RASA3: variants seen among roughly 807,000 people sequenced by gnomAD.
RASA3 encodes ras GTPase-activating protein 3.
A neutral mutation model predicts 110.0 loss-of-function variants in RASA3; 73 were observed. That is an observed-to-expected ratio of 0.66 (90% CI 0.55 to 0.81). The LOEUF (loss-of-function observed/expected upper bound fraction) is 0.81. Among genes scored for constraint, RASA3 ranks in the 30% least tolerant of loss-of-function variants. The probability of loss-of-function intolerance (pLI) is 0.00; values close to 1 mark genes in which losing one functional copy is unlikely to be tolerated. For synonymous variants in RASA3, 500 were observed against 451.4 expected (o/e 1.11, Z -1.37); for missense variants, 976 against 1,113.2 (o/e 0.88, Z 1.75).
At chr13:114,017,786 C>T (rs2053825844) in intron 11 of RASA3, among the ~76,000 whole-genome samples, 1 of 152,218 alleles carries the variant, frequency 6.6e-6, no homozygotes, top group African/African-American at 2.4e-5. Flanking sequence ...TAGGCAGGTC[C>T]TGAGGGAAGC....
intron 1 of RASA3, chr13:114,077,835 G>A (rs1306191937): frequency 2.0e-6 from 2 of 984,234 alleles, no homozygotes; most frequent in East Asian, 2.3e-4. Flanking sequence ...ATCTGGGGCT[G>A]AGACTCTTTC....
chr13:114,106,932 T>C (rs1006610050), intron 1 of RASA3, among the ~76,000 whole-genome samples: 1 of 152,272 alleles, frequency 6.6e-6, no homozygotes, highest in African/African-American at 2.4e-5. Flanking sequence ...GAAATAGATA[T>C]TCATTCTAGC....
chr13:114,059,646 T>C (rs1406002589), intron 2 of RASA3, among the ~76,000 whole-genome samples: 2 of 152,210 alleles, frequency 1.3e-5, no homozygotes, highest in Non-Finnish European at 2.9e-5. Flanking sequence ...CAAAGCGGCC[T>C]CCCCAGGACA....
chr13:114,065,585 AAC>A lies in RASA3; in HGVS notation c.173+8133_173+8134del, dbSNP rs1477615014. 2.6e-5 allele frequency among the ~76,000 whole-genome samples: 4 copies of A among 152,120 alleles called. No homozygotes were observed. The highest frequency in any genetic ancestry group is 5.9e-5 in the Non-Finnish European group (4 of 68,014). ...CATCTCCGCAAAGGACAGGAGGCAA[AAC>A]ACACCCATCAGAAGCACATGGCCAG... On this transcript the variant is annotated intron_variant, in intron 2 of 23. Transcript: ENST00000334062. The surrounding 1 kb of genome is among the most constrained non-coding windows in gnomAD (Gnocchi z 4.1).
intron 5 of RASA3, among the ~76,000 whole-genome samples, chr13:114,029,181 C>G (rs1437542994): frequency 2.9e-5 from 1 of 34,622 alleles, no homozygotes; most frequent in East Asian, 8.8e-4. Flanking sequence ...ACAGCTTCAT[C>G]CTGGTGGGCC....
chr13:114,034,453 G>A (rs13378431), intron 4 of RASA3, among the ~76,000 whole-genome samples: 1,958 of 152,142 alleles, frequency 0.013, 36 homozygotes, highest in African/African-American at 0.045. Context: ...CAGGCTGTGC[G>A]GCCCCCGTGT....
chr13:114,010,423 C>T (rs1245384859), intron 16 of RASA3, among the ~76,000 whole-genome samples: 1 of 151,982 alleles, frequency 6.6e-6, no homozygotes, highest in Non-Finnish European at 1.5e-5. Flanking sequence ...CGGGACGCCT[C>T]AAACGTCAGC....
intron 2 of RASA3, among the ~76,000 whole-genome samples, chr13:114,058,183 C>A (rs569398844): frequency 1.3e-5 from 2 of 152,154 alleles, no homozygotes; most frequent in Non-Finnish European, 2.9e-5. Context: ...TACCTGCAAA[C>A]GGAGCACCAG....
chr13:114,121,623 C>T (rs764974222), intron 1 of RASA3, among the ~76,000 whole-genome samples: 2 of 152,220 alleles, frequency 1.3e-5, no homozygotes, highest in African/African-American at 2.4e-5. Flanking sequence ...CAGCCTGAAC[C>T]TCTGTCTCTC....
chr13:114,128,509 G>A (rs2080478713), intron 1 of RASA3, among the ~76,000 whole-genome samples: 1 of 152,230 alleles, frequency 6.6e-6, no homozygotes, highest in African/African-American at 2.4e-5. Context: ...GGACCCTCCA[G>A]GCACCCCACT....
chr13:114,120,009 C>T (rs1182062883), intron 1 of RASA3, among the ~76,000 whole-genome samples: 5 of 66,098 alleles, frequency 7.6e-5, no homozygotes, highest in Admixed American at 1.3e-4. Context: ...TCAGGGCCCC[C>T]CCTCCTCTCT....
chr13:114,094,276 C>A (rs2079919071), intron 1 of RASA3, among the ~76,000 whole-genome samples: 1 of 152,180 alleles, frequency 6.6e-6, no homozygotes, highest in African/African-American at 2.4e-5. Context: ...CAATTTCACT[C>A]CTAGGTATAT....
chr13:114,029,947 G>T, intron 4 of RASA3, 60 bp from the exon 5 acceptor site: 2 of 1,471,472 alleles, frequency 1.4e-6, no homozygotes, highest in Non-Finnish European at 1.8e-6. Flanking sequence ...GGCCACTAGG[G>T]CCGCGCGCCC....
At chr13:114,019,670 C>T (rs2053875114) in intron 9 of RASA3, among the ~76,000 whole-genome samples, 1 of 148,784 alleles carries the variant, frequency 6.7e-6, no homozygotes, top group South Asian at 2.2e-4. Context: ...TTAGATCCCC[C>T]CTCAGATGGA....
chr13:114,071,466 A>G (rs2079571521), intron 2 of RASA3, among the ~76,000 whole-genome samples: 1 of 152,212 alleles, frequency 6.6e-6, no homozygotes, highest in East Asian at 1.9e-4. Context: ...CCCACAATCC[A>G]TAGGCCTCTA....
At chr13:114,000,448 A>G (rs2053368062) in intron 19 of RASA3, among the ~76,000 whole-genome samples, 1 of 152,216 alleles carries the variant, frequency 6.6e-6, no homozygotes, top group Non-Finnish European at 1.5e-5. Context: ...GATCTGAGCC[A>G]GCAGATCTGA....
chr13:114,051,443 C>A (rs1459595094), intron 3 of RASA3, among the ~76,000 whole-genome samples: 3 of 152,338 alleles, frequency 2.0e-5, no homozygotes, highest in Non-Finnish European at 1.5e-5. Context: ...AGGAGCTCCC[C>A]GAGTAACCTG....
intron 2 of RASA3, among the ~76,000 whole-genome samples, chr13:114,073,250 C>G: frequency 6.8e-6 from 1 of 147,242 alleles, no homozygotes; most frequent in Non-Finnish European, 1.5e-5. Context: ...ATTCCCTACA[C>G]GCGGGAAAAC....
intron 16 of RASA3, among the ~76,000 whole-genome samples, chr13:114,010,692 G>A (rs1274168949): frequency 3.5e-5 from 2 of 57,212 alleles, no homozygotes; most frequent in Admixed American, 3.3e-4. Context: ...TGGGGAGGAG[G>A]GGGCTGCATG....
Sources: allele counts gnomAD v4.1 joint callset (sites outside exome capture counted in the v4.1 genomes callset), GRCh38; gene constraint gnomAD v4.1.1; non-coding constraint Gnocchi (gnomAD v3.1); transcripts MANE v1.5; gene names NCBI Gene and HGNC (gene_info 2026-07-23, HGNC 2026-07-21).